GALNTL6: variants seen among roughly 807,000 people sequenced by gnomAD.
The protein encoded by GALNTL6 is polypeptide N-acetylgalactosaminyltransferase like 6.
Under a neutral mutation model 73.7 loss-of-function variants are expected in GALNTL6, and 46 were observed. The observed-to-expected ratio is 0.62, with a 90% CI of 0.49 to 0.80. The LOEUF is 0.80. Among genes scored for constraint, GALNTL6 ranks in the 30% least tolerant of loss-of-function variants. The probability of loss-of-function intolerance (pLI) is 0.00; values close to 1 mark genes in which losing one functional copy is unlikely to be tolerated. For synonymous variants in GALNTL6, 259 were observed against 263.7 expected (o/e 0.98, Z 0.17); for missense variants, 604 against 755.0 (o/e 0.80, Z 2.34).
chr4:171,996,743 A>C (rs1371270452), intron 2 of GALNTL6, among the ~76,000 whole-genome samples: 11 of 138,712 alleles, frequency 7.9e-5, no homozygotes, highest in South Asian at 6.9e-4. Context: ...AAAAAAAAAA[A>C]CTCACAGTGT....
chr4:172,988,437 G>T (rs965879822), intron 10 of GALNTL6, among the ~76,000 whole-genome samples: 1 of 152,220 alleles, frequency 6.6e-6, no homozygotes, highest in Non-Finnish European at 1.5e-5. Flanking sequence ...CATGAGAAAA[G>T]AGATTATCTC....
chr4:172,553,130 G>A (rs1385832285), intron 5 of GALNTL6, among the ~76,000 whole-genome samples: 1 of 152,138 alleles, frequency 6.6e-6, no homozygotes, highest in Non-Finnish European at 1.5e-5. Flanking sequence ...TAAATCATAT[G>A]AAATTGCCAA....
Position 172,291,332 on chromosome 4 carries a change from T to C in GALNTL6, c.248-20282T>C, listed in dbSNP as rs1043989066. Among the ~76,000 whole-genome samples the C allele has an allele frequency of 4.6e-5, 7 of 152,042 alleles. No individual in the cohort carries two copies. The East Asian group carries it at 1.4e-3, about 29-fold the overall frequency. On this transcript the variant is annotated intron_variant, in intron 3 of 12. Transcript: ENST00000506823. ...GATTAAAATAAGTGGCAAGATAATA[T>C]ACATTACAAATAAAAGAATGGGAGA...
At chr4:172,222,210 A>G (rs1316942104) in intron 2 of GALNTL6, among the ~76,000 whole-genome samples, 1 of 151,940 alleles carries the variant, frequency 6.6e-6, no homozygotes, top group Non-Finnish European at 1.5e-5. Context: ...CTGCCTATGC[A>G]AAGAGGTGAT....
At position 172,837,512 on chromosome 4, in the gene GALNTL6, C is replaced by T. The variant is rs372203073; in HGVS notation, c.923+23789C>T. Among the ~76,000 whole-genome samples the T allele has an allele frequency of 2.6e-5, 4 of 152,126 alleles. No individual in the cohort carries two copies. In the East Asian group the frequency reaches 7.7e-4, roughly 29 times the overall value. ...AAATAGAAACTAAAAATAAGATAGT[C>T]TCAAAGTGTATTTCCTTAGATACAT... On this transcript the variant is annotated intron_variant, in intron 7 of 12. Coordinates refer to ENST00000506823, the MANE Select transcript of GALNTL6 (RefSeq NM_001034845.3).
chr4:172,489,665 A>G (rs1460376076), intron 5 of GALNTL6, among the ~76,000 whole-genome samples: 5 of 152,204 alleles, frequency 3.3e-5, no homozygotes, highest in Non-Finnish European at 5.9e-5. Context: ...TAAATGTATA[A>G]TATGGGACTA....
chr4:172,448,632 A>C (rs540423162), intron 5 of GALNTL6, among the ~76,000 whole-genome samples: 1 of 152,300 alleles, frequency 6.6e-6, no homozygotes, highest in African/African-American at 2.4e-5. Flanking sequence ...CGCTAGGAAA[A>C]GTTTAGATAT....
intron 2 of GALNTL6, among the ~76,000 whole-genome samples, chr4:172,020,807 C>T (rs1002270912): frequency 2.6e-5 from 4 of 151,924 alleles, no homozygotes; most frequent in African/African-American, 7.2e-5. Context: ...ACTCATTCCA[C>T]AAGGCCTGTA....
chr4:172,393,483 T>TC (rs1743739109), intron 5 of GALNTL6, among the ~76,000 whole-genome samples: 1 of 152,200 alleles, frequency 6.6e-6, no homozygotes, highest in Admixed American at 6.5e-5. Context: ...AGCAGGTTAT[T>TC]AAGTTTCATT....
At chr4:172,358,877 A>C (rs1578991423) in intron 5 of GALNTL6, among the ~76,000 whole-genome samples, 2 of 150,224 alleles carry the variant, frequency 1.3e-5, no homozygotes, top group Non-Finnish European at 3.0e-5. Flanking sequence ...AAAAAAAAAA[A>C]AAAAACAGAG....
At chr4:172,815,377 A>G (rs762480709) in intron 7 of GALNTL6, among the ~76,000 whole-genome samples, 2 of 152,180 alleles carry the variant, frequency 1.3e-5, no homozygotes, top group African/African-American at 2.4e-5. Context: ...TAACCGTGGT[A>G]GAACTGTTAT....
At chr4:171,853,881 G>A (rs1012185572) in intron 2 of GALNTL6, among the ~76,000 whole-genome samples, 4 of 151,730 alleles carry the variant, frequency 2.6e-5, no homozygotes, top group African/African-American at 7.3e-5. Flanking sequence ...AAAAGTGCTG[G>A]GATTACAGGC....
At chr4:172,890,931 C>T (rs1188582519) in intron 8 of GALNTL6, among the ~76,000 whole-genome samples, 1 of 152,152 alleles carries the variant, frequency 6.6e-6, no homozygotes. Flanking sequence ...AACCATTTGT[C>T]ATTATGTAAT....
chr4:172,978,941 C>T (rs1023254539), intron 10 of GALNTL6, among the ~76,000 whole-genome samples: 29 of 152,224 alleles, frequency 1.9e-4, no homozygotes, highest in African/African-American at 6.5e-4. Flanking sequence ...TTTAATGTCT[C>T]TCCTCAGCAG....
intron 11 of GALNTL6, among the ~76,000 whole-genome samples, chr4:173,010,771 T>TTC (rs2126496100): frequency 1.2e-5 from 1 of 86,546 alleles, no homozygotes; most frequent in South Asian, 2.9e-4. Flanking sequence ...ATTTTTGTAT[T>TTC]TTTTTTTTTT....
chr4:172,222,542 T>G (rs1214342874), intron 2 of GALNTL6, among the ~76,000 whole-genome samples: 1 of 148,872 alleles, frequency 6.7e-6, no homozygotes, highest in African/African-American at 2.5e-5. Flanking sequence ...TTCAGTTTTT[T>G]TTATCCTCAA....
chr4:172,169,423 G>T (rs1439275425), intron 2 of GALNTL6, among the ~76,000 whole-genome samples: 2 of 152,154 alleles, frequency 1.3e-5, no homozygotes, highest in Non-Finnish European at 2.9e-5. Flanking sequence ...TGGGTAAGAT[G>T]CTTCAACTAT....
chr4:172,198,308 C>T (rs184104036), intron 2 of GALNTL6, among the ~76,000 whole-genome samples: 127 of 151,482 alleles, frequency 8.4e-4, no homozygotes, highest in Middle Eastern at 3.4e-3. Context: ...AAAATCCTAT[C>T]ATCAGCGCAA....
chr4:172,659,138 A>G (rs1731237672), intron 5 of GALNTL6, among the ~76,000 whole-genome samples: 1 of 152,216 alleles, frequency 6.6e-6, no homozygotes. Flanking sequence ...AATGAGTACT[A>G]AGGCATAAGT....
Sources: gnomAD v4.1 joint callset for allele counts (sites outside exome capture counted in the v4.1 genomes callset) on GRCh38, gnomAD v4.1.1 for gene constraint, MANE v1.5 for transcripts, NCBI Gene and HGNC (gene_info 2026-07-23, HGNC 2026-07-21) for gene names.